KSR1: variants seen among roughly 807,000 people sequenced by gnomAD.
The protein encoded by KSR1 is kinase suppressor of ras.
A neutral mutation model predicts 92.9 loss-of-function variants in KSR1; 35 were observed. The ratio of observed to expected loss-of-function variants is 0.38; its 90% confidence interval spans 0.29 to 0.50. The LOEUF (loss-of-function observed/expected upper bound fraction) is 0.50. Ranked by LOEUF, KSR1 falls within the 20% of genes least tolerant of loss-of-function variation. KSR1 has a pLI of 0.94. For synonymous variants in KSR1, 467 were observed against 472.6 expected (o/e 0.99, Z 0.15); for missense variants, 972 against 1,158.5 (o/e 0.84, Z 2.34).
chr17:27,560,522 G>A (rs1309761703), intron 2 of KSR1: 16 of 517,532 alleles, frequency 3.1e-5, no homozygotes, highest in South Asian at 4.2e-5. Flanking sequence ...CTACCCTTGC[G>A]TTCCTGTGTT....
rs1243656016 is a variant in KSR1, at chr17:27,545,141, C to T, written c.232-5427C>T. Among the ~76,000 whole-genome samples, 3 of 152,310 alleles carry T rather than the reference C, an allele frequency of 2.0e-5. No individual in the cohort carries two copies. The East Asian group carries it at 5.8e-4, about 29-fold the overall frequency. On this transcript the variant is annotated intron_variant, in intron 1 of 20. Transcript: ENST00000644974. ...GTTATCTGGGTGCAAAGAAGAATCA[C>T]TTCAAGTTCTGCACAGTTCTACCCA...
intron 1 of KSR1, among the ~76,000 whole-genome samples, chr17:27,501,289 C>CTT (rs1567768260): frequency 9.2e-5 from 4 of 43,558 alleles, no homozygotes; most frequent in South Asian, 7.0e-4. Context: ...AATTTCTTTT[C>CTT]TTCTTTTTTT....
rs1376145944 is a variant in KSR1, at chr17:27,582,874, C to G, written c.749C>G (p.Thr250Ser). The G allele has an allele frequency of 6.2e-7, 1 of 1,613,330 alleles. No homozygotes were observed. Among genetic ancestry groups the G allele is most frequent in the South Asian group, 1.1e-5 (1 of 91,010 alleles). ...AGCTTCAGTGAGGGCCTCTCAGACACCTGTATTCCCCTGCACGCCAGCGGC... is the reference window on the plus strand; with the variant it reads ...AGCTTCAGTGAGGGCCTCTCAGACAGCTGTATTCCCCTGCACGCCAGCGGC... ...TPSFSEGLSD[T>S]CIPLHASGRL... The change falls in exon 4 of 21, where the codon ACC becomes AGC. Residue 250 changes from threonine (T) to serine (S), a missense_variant. By Grantham distance (58) the Thr-to-Ser change is moderately conservative. Transcript: ENST00000644974.
intron 1 of KSR1, among the ~76,000 whole-genome samples, chr17:27,468,314 C>T (rs1159113025): frequency 6.6e-6 from 1 of 151,842 alleles, no homozygotes; most frequent in East Asian, 1.9e-4. Context: ...CAGCTCACTG[C>T]AACCTCTGCC....
At chr17:27,611,724 G>T (rs2073923261) in intron 18 of KSR1, 95 bp downstream of exon 18, 2 of 1,478,056 alleles carry the variant, frequency 1.4e-6, no homozygotes, top group Non-Finnish European at 1.9e-6. Context: ...GAGAAATGGG[G>T]TCGGTGAGGA....
In KSR1 at chr17:27,495,413, C is replaced by G. The variant is rs1299326914; in HGVS notation, c.231+38539C>G. On this transcript the variant is annotated intron_variant, in intron 1 of 20. Coordinates refer to ENST00000644974, the MANE Select transcript of KSR1 (RefSeq NM_001394583.1). ...CAAGAAAAGTCCAAGGGACCCCTCA[C>G]ACAGAGGAGGTGAGGTGCATTGGAC... Among the ~76,000 whole-genome samples the G allele has an allele frequency of 5.3e-5, 8 of 152,152 alleles. No individual in the cohort carries two copies. In the East Asian group the frequency reaches 1.5e-3, roughly 29 times the overall value.
chr17:27,485,873 C>G (rs4795691), intron 1 of KSR1, among the ~76,000 whole-genome samples: 137,130 of 152,192 alleles, frequency 0.9, 61,849 homozygotes, highest in East Asian at 1. Flanking sequence ...CTCTCCCACC[C>G]AGGGCTGCTC....
At chr17:27,595,664 G>T (rs1050940780) in intron 9 of KSR1, among the ~76,000 whole-genome samples, 3 of 125,204 alleles carry the variant, frequency 2.4e-5, no homozygotes, top group African/African-American at 9.6e-5. Context: ...TAGTGCAGCA[G>T]CCCTCCCTTC....
intron 1 of KSR1, among the ~76,000 whole-genome samples, chr17:27,499,962 A>G (rs1471438634): frequency 6.6e-6 from 1 of 152,172 alleles, no homozygotes; most frequent in Non-Finnish European, 1.5e-5. Flanking sequence ...ACTGGCAGCG[A>G]TTGTAGGGTG....
chr17:27,593,726 A>G (rs1330693911), intron 9 of KSR1, among the ~76,000 whole-genome samples: 1 of 152,234 alleles, frequency 6.6e-6, no homozygotes, highest in Non-Finnish European at 1.5e-5. Context: ...GGGAAAGATG[A>G]TAGGGTCCTG....
rs900079529 is a variant in KSR1 at position 27,625,603 on chromosome 17, C to T, written c.*2211C>T. 1 of 152,210 alleles carries T rather than the reference C, an allele frequency of 6.6e-6. No homozygotes were observed. The highest frequency in any genetic ancestry group is 1.5e-5 in the Non-Finnish European group (1 of 68,060). The allele number at this position is 152,210 out of a possible 1,614,324, so 9.4% of individuals were successfully genotyped here. A position where few individuals can be genotyped will look rare whatever the true frequency, so the allele number is the denominator to read the frequency against. On this transcript the variant is annotated 3_prime_UTR_variant, in exon 21 of 21. Coordinates refer to ENST00000644974, the MANE Select transcript of KSR1 (RefSeq NM_001394583.1). ...TGCACTGCCTGCCTTTAAAGAACCC[C>T]ACCCCACCCCATGATGGCCCCCTCT...
At position 27,611,365 on chromosome 17, in the gene KSR1, T is replaced by C. The variant is rs562303939; in HGVS notation, c.2358-129T>C. ...TCCAGGAGCCCACTGTAGCATCCCC[T>C]GAAGCCAAGTGGGTGAGGAAGGCTG... On this transcript the variant is annotated intron_variant, in intron 17 of 20. Coordinates refer to ENST00000644974, the MANE Select transcript of KSR1 (RefSeq NM_001394583.1). 4 of 1,237,808 alleles carry C rather than the reference T, an allele frequency of 3.2e-6. No individual in the cohort carries two copies. In the South Asian group the frequency reaches 6.0e-5, roughly 18 times the overall value. 76.7% of individuals were successfully genotyped at this position (1,237,808 alleles called of 1,614,324 possible). A position where few individuals can be genotyped will look rare whatever the true frequency, so the allele number is the denominator to read the frequency against.
chr17:27,472,492 A>T (rs1470952709), intron 1 of KSR1, among the ~76,000 whole-genome samples: 1 of 152,176 alleles, frequency 6.6e-6, no homozygotes, highest in African/African-American at 2.4e-5. Context: ...GGTTCCTTGC[A>T]TGTAAGCTTG....
In KSR1 at chr17:27,624,357, G is replaced by C. The variant is rs1334133654; in HGVS notation, c.*965G>C. On this transcript the variant is annotated 3_prime_UTR_variant, in exon 21 of 21. Transcript: ENST00000644974. ...AACCCTTTGTCAGTCATGCCAGAAG[G>C]TTCTAGAACTGCCCACCTCTTCCAT... The C allele has an allele frequency of 1.3e-5, 2 of 152,282 alleles. No homozygotes were observed. Among genetic ancestry groups the C allele is most frequent in the African/African-American group, 4.8e-5 (2 of 41,458 alleles). 9.4% of individuals were successfully genotyped at this position (152,282 alleles called of 1,614,324 possible). A position where few individuals can be genotyped will look rare whatever the true frequency, so the allele number is the denominator to read the frequency against.
chr17:27,456,972 G>A, intron 1 of KSR1, 98 bp downstream of exon 1: 1 of 696,568 alleles, frequency 1.4e-6, no homozygotes, highest in East Asian at 2.7e-5. Context: ...TTGAGCCCGC[G>A]TCGCCCCCCT....
chr17:27,617,722 T>C, intron 19 of KSR1: 1 of 355,198 alleles, frequency 2.8e-6, no homozygotes, highest in Middle Eastern at 8.8e-4. Context: ...GAGACGGGGT[T>C]TCATCATATT....
At chr17:27,461,594 G>T (rs749150856) in intron 1 of KSR1, among the ~76,000 whole-genome samples, 1 of 152,174 alleles carries the variant, frequency 6.6e-6, no homozygotes, top group African/African-American at 2.4e-5. Context: ...GCCCTTTTTT[G>T]TGTCCACTTT....
chr17:27,611,957 AT>A (rs985530912), intron 18 of KSR1, among the ~76,000 whole-genome samples: 2 of 152,182 alleles, frequency 1.3e-5, no homozygotes, highest in African/African-American at 2.4e-5. Flanking sequence ...AAAGAAGATA[AT>A]TTTTTTTAAA....
At chr17:27,589,184 A>C (rs1171520533) in intron 6 of KSR1, among the ~76,000 whole-genome samples, 1 of 152,110 alleles carries the variant, frequency 6.6e-6, no homozygotes, top group Admixed American at 6.5e-5. Context: ...CCTTCCATTT[A>C]CACGGCGTAT....
Sources: allele counts gnomAD v4.1 joint callset (sites outside exome capture counted in the v4.1 genomes callset), GRCh38; gene constraint gnomAD v4.1.1; transcripts MANE v1.5; gene names NCBI Gene and HGNC (gene_info 2026-07-23, HGNC 2026-07-21).